Variants in CELF3 observed in about 807,000 individuals in gnomAD.
CELF3 encodes CAG repeat domain.
Under a neutral mutation model 59.6 loss-of-function variants are expected in CELF3, and 26 were observed. The ratio of observed to expected loss-of-function variants is 0.44; its 90% CI spans 0.32 to 0.61. The LOEUF is 0.61. Among genes scored for constraint, CELF3 ranks in the 20% least tolerant of loss-of-function variants. CELF3 has a pLI of 0.06. For missense variants in CELF3, 387 were observed against 627.2 expected (o/e 0.62, Z 4.09); for synonymous variants, 245 against 250.7 (o/e 0.98, Z 0.22).
In CELF3 at chr1:151,705,319, G is replaced by T. The variant is rs939431554; in HGVS notation, c.1271-151C>A. The T allele has an allele frequency of 8.4e-6, 7 of 829,066 alleles. No homozygotes were observed. In the African/African-American group the frequency reaches 8.5e-5, roughly 10 times the overall value. 51.4% of individuals were successfully genotyped at this position (829,066 alleles called of 1,614,324 possible). On this transcript the variant is annotated intron_variant, in intron 11 of 12. Coordinates refer to ENST00000290583, the MANE Select transcript of CELF3 (RefSeq NM_007185.7). This position sits in a 1 kb window ranked among gnomAD's most constrained non-coding sequence, Gnocchi z 5.1. The stretch of plus-strand genomic sequence containing the variant: ...AGCATTCCTTAGGAATTTGTTGATT[G>T]ATGGGTTGAATGGATGAATCCAGTC...
chr1:151,713,221 G>T (rs990566414), intron 2 of CELF3, among the ~76,000 whole-genome samples: 1 of 152,120 alleles, frequency 6.6e-6, no homozygotes, highest in Non-Finnish European at 1.5e-5. Flanking sequence ...TTAACCAGGC[G>T]CCCTTCTTCC....
Position 151,700,685 on chromosome 1 carries a change from A to C in CELF3, c.*2774T>G, listed in dbSNP as rs1455882688. On this transcript the variant is annotated 3_prime_UTR_variant, in exon 13 of 13. Coordinates refer to ENST00000290583, the MANE Select transcript of CELF3 (RefSeq NM_007185.7). ...CAGTTAATAAGTGTAGGCAGTGATA[A>C]TTGAAAAGAGGGAAATGATATGAGA... Among the ~76,000 whole-genome samples the C allele has an allele frequency of 6.6e-6, 1 of 152,234 alleles. No individual in the cohort carries two copies. Among genetic ancestry groups the C allele is most frequent in the Admixed American group, 6.5e-5 (1 of 15,288 alleles).
At chr1:151,706,421 C>T (rs1262707290) in intron 9 of CELF3, 60 bp from the exon 10 acceptor site, 2 of 1,475,266 alleles carry the variant, frequency 1.4e-6, no homozygotes, top group Non-Finnish European at 1.8e-6. Context: ...GCCCTCCCAG[C>T]CAACCCTGTC....
chr1:151,713,706 C>CTCACACA (rs1673216471), intron 2 of CELF3: 1 of 153,548 alleles, frequency 6.5e-6, no homozygotes, highest in Non-Finnish European at 1.5e-5. Flanking sequence ...ACGTGCATGG[C>CTCACACA]CCTTAACTCT....
chr1:151,707,313 C>G lies in CELF3; in HGVS notation c.773-19G>C. ...CTGGTTCCTGGGGAGGAGAAAGCGA[C>G]AGGGAGAGAGCAGAGGAGCAGACAC... On this transcript the variant is annotated intron_variant, in intron 7 of 12. Transcript: ENST00000290583. The G allele has an allele frequency of 6.4e-7, 1 of 1,566,504 alleles. No homozygotes were observed. The highest frequency in any genetic ancestry group is 8.6e-7 in the Non-Finnish European group (1 of 1,158,014).
chr1:151,715,104 G>A (rs1022944958), intron 1 of CELF3, among the ~76,000 whole-genome samples: 5 of 151,872 alleles, frequency 3.3e-5, no homozygotes, highest in Non-Finnish European at 5.9e-5. Context: ...CTCCACCATA[G>A]GCAGGTGGAG....
intron 5 of CELF3, chr1:151,708,281 C>G (rs1165856367): frequency 3.8e-6 from 1 of 264,006 alleles, no homozygotes; most frequent in African/African-American, 2.2e-5. Flanking sequence ...TCAGGCTAGT[C>G]TTCCCTTGTA....
At position 151,701,340 on chromosome 1, in the gene CELF3, T is replaced by A. The variant is rs968768780; in HGVS notation, c.*2119A>T. Among the ~76,000 whole-genome samples, 1 of 152,154 alleles carries A rather than the reference T, an allele frequency of 6.6e-6. No homozygotes were observed. Among genetic ancestry groups the A allele is most frequent in the Non-Finnish European group, 1.5e-5 (1 of 68,026 alleles). Reference sequence around the variant, plus strand: ...TATGAAGTCAAAGAAGACACCTGTGTGATCCTGAGCCTGCCCTAAAGCAGC... The same window carrying A: ...TATGAAGTCAAAGAAGACACCTGTGAGATCCTGAGCCTGCCCTAAAGCAGC... On this transcript the variant is annotated 3_prime_UTR_variant, in exon 13 of 13. Transcript: ENST00000290583.
rs1672438159 is a variant in CELF3 at position 151,705,569 on chromosome 1, A to G, written c.1270+253T>C. Among the ~76,000 whole-genome samples, 1 of 152,180 alleles carries G rather than the reference A, an allele frequency of 6.6e-6. No homozygotes were observed. The highest frequency in any genetic ancestry group is 6.5e-5 in the Admixed American group (1 of 15,284). ...CACCTTTTGCAAACCAAACATCCCC[A>G]GACCATAAGCCTATTTCAGACCTCA... On this transcript the variant is annotated intron_variant, in intron 11 of 12. Coordinates refer to ENST00000290583, the MANE Select transcript of CELF3 (RefSeq NM_007185.7). The surrounding 1 kb of genome is among the most constrained non-coding windows in gnomAD (Gnocchi z 5.1).
intron 5 of CELF3, 106 bp downstream of exon 5, chr1:151,708,892 A>G: frequency 9.7e-7 from 1 of 1,025,948 alleles, no homozygotes; most frequent in Non-Finnish European, 1.4e-6. Context: ...ATTCCTTTCC[A>G]ATAAATTCAA....
At chr1:151,711,021 C>T (rs1672979577) in intron 2 of CELF3, 1 of 366,164 alleles carries the variant, frequency 2.7e-6, no homozygotes, top group South Asian at 2.1e-5. Context: ...AAAATTAAAC[C>T]TCAATTTACA....
chr1:151,708,949 G>A (rs1263305243), intron 5 of CELF3, 49 bp downstream of exon 5: 1 of 1,540,296 alleles, frequency 6.5e-7, no homozygotes, highest in Admixed American at 1.7e-5. Flanking sequence ...GGCCTGGCAG[G>A]TGGGCAGGGT....
Position 151,701,370 on chromosome 1 carries a change from A to T in CELF3, c.*2089T>A, listed in dbSNP as rs1357729250. On this transcript the variant is annotated 3_prime_UTR_variant, in exon 13 of 13. Coordinates refer to ENST00000290583, the MANE Select transcript of CELF3 (RefSeq NM_007185.7). ...CTGAGCCTGCCCTAAAGCAGCTCAC[A>T]GAGAAGAATCTAGGAAGTGGAGGGA... 6.6e-6 allele frequency among the ~76,000 whole-genome samples: 1 copy of T among 152,322 alleles called. No homozygotes were observed. The highest frequency in any genetic ancestry group is 1.9e-4 in the East Asian group (1 of 5,174).
chr1:151,709,085 G>A lies in CELF3; in HGVS notation c.407-8C>T. 6.2e-7 allele frequency: 1 copy of A among 1,613,526 alleles called. No homozygotes were observed. The highest frequency in any genetic ancestry group is 8.5e-7 in the Non-Finnish European group (1 of 1,179,640). ...ACTTCACGAAGGCGCAGCCTGGAGA[G>A]GTTGAGATGGAGGAGGAGAGGGGTA... On this transcript the variant is annotated splice_polypyrimidine_tract_variant and splice_region_variant and intron_variant, in intron 4 of 12. Coordinates refer to ENST00000290583, the MANE Select transcript of CELF3 (RefSeq NM_007185.7). The surrounding 1 kb of genome is among the most constrained non-coding windows in gnomAD (Gnocchi z 4.9).
chr1:151,714,154 G>A (rs184754509), intron 2 of CELF3, among the ~76,000 whole-genome samples: 20 of 152,146 alleles, frequency 1.3e-4, no homozygotes, highest in African/African-American at 4.1e-4. Flanking sequence ...CAATCTAGCC[G>A]GCACCAGCTG....
At chr1:151,715,646 A>G (rs1673416889) in intron 1 of CELF3, 1 of 1,500,806 alleles carries the variant, frequency 6.7e-7, no homozygotes, top group Non-Finnish European at 8.9e-7. Context: ...ACATCTTTGC[A>G]GCCGTCTTGA....
chr1:151,707,487 C>T lies in CELF3; in HGVS notation c.772+20G>A, dbSNP rs2280473. ...CCCTACCATGCTTAGCTCCCTTGCC[C>T]GGCCTTGCCCAGGCCATACCTGAGG... is the stretch of plus-strand genomic sequence containing the variant. On this transcript the variant is annotated intron_variant, in intron 7 of 12. Transcript: ENST00000290583. 0.2 allele frequency: 318,117 copies of T among 1,608,722 alleles called. 33,021 individuals carry two copies. The highest frequency in any genetic ancestry group is 0.32 in the Middle Eastern group (1,949 of 6,048).
intron 9 of CELF3, 54 bp downstream of exon 9, chr1:151,706,613 CTT>C: frequency 6.6e-7 from 1 of 1,524,960 alleles, no homozygotes. Flanking sequence ...TACTGGGCCT[CTT>C]TTCCTCCTGC....
intron 5 of CELF3, among the ~76,000 whole-genome samples, chr1:151,708,631 G>T (rs1015548898): frequency 1.3e-5 from 2 of 152,132 alleles, no homozygotes; most frequent in Admixed American, 1.3e-4. Context: ...CTGTGCAGGG[G>T]CAGGGAAGAG....
Sources: allele counts gnomAD v4.1 joint callset (sites outside exome capture counted in the v4.1 genomes callset), GRCh38; gene constraint gnomAD v4.1.1; non-coding constraint Gnocchi (gnomAD v3.1); transcripts MANE v1.5; gene names NCBI Gene and HGNC (gene_info 2026-07-23, HGNC 2026-07-21).